Variants in IL1R2 observed in about 807,000 individuals in gnomAD.
IL1R2 encodes the protein interleukin-1 receptor type 2.
In IL1R2, 46 loss-of-function variants were observed where a neutral mutation model predicts 39.5. The observed-to-expected ratio is 1.16, with a 90% CI of 0.92 to 1.49. The LOEUF is 1.49. Ranked by LOEUF, IL1R2 falls within the 40% of genes most tolerant of loss-of-function variation. The probability of loss-of-function intolerance (pLI) is 0.00; values close to 1 mark genes in which losing one functional copy is unlikely to be tolerated. For synonymous variants in IL1R2, 207 were observed against 189.6 expected, an observed-to-expected ratio of 1.09 and a Z score of -0.75; for missense variants, 537 against 502.0, an observed-to-expected ratio of 1.07 and a Z score of -0.67.
intron 1 of IL1R2, among the ~76,000 whole-genome samples, chr2:101,995,724 C>T (rs1438048843): frequency 6.6e-6 from 1 of 152,234 alleles, no homozygotes; most frequent in Non-Finnish European, 1.5e-5. Context: ...ATTTCTTGCT[C>T]ATGCTACAGC....
chr2:102,019,701 C>G lies in IL1R2; in HGVS notation c.577C>G (p.Leu193Val), dbSNP rs1395106195. Residue 193 changes from leucine (L) to valine (V), a missense_variant, in exon 5 of 9, where the codon CTC (leucine) becomes GTC (valine). Transcript: ENST00000332549. ...AAGTGTGAGGGGGACCACTCACTTA[C>G]TCGTACACGATGTGGCCCTGGAAGA... ...FLSVRGTTHL[L>V]VHDVALEDAG... 1.9e-6 allele frequency: 3 copies of G among 1,613,644 alleles called. No homozygotes were observed. Among genetic ancestry groups the G allele is most frequent in the Non-Finnish European group, 2.5e-6 (3 of 1,179,680 alleles).
intron 7 of IL1R2, among the ~76,000 whole-genome samples, chr2:102,025,119 TA>T (rs1269675563): frequency 1.3e-5 from 2 of 151,926 alleles, no homozygotes; most frequent in African/African-American, 2.4e-5. Context: ...GGTTAATAAT[TA>T]AAAAAAAGAA....
At chr2:102,013,006 C>T (rs1166614664) in intron 3 of IL1R2, among the ~76,000 whole-genome samples, 3 of 152,210 alleles carry the variant, frequency 2.0e-5, no homozygotes, top group Admixed American at 2.0e-4. Context: ...AAGGAACTAG[C>T]GTGGGGTCTG....
intron 1 of IL1R2, among the ~76,000 whole-genome samples, chr2:101,996,966 T>A (rs1559409405): frequency 6.6e-6 from 1 of 152,092 alleles, no homozygotes; most frequent in Non-Finnish European, 1.5e-5. Context: ...CAAATCTACC[T>A]CTCTTGCTTT....
At chr2:102,024,146 C>T (rs1013144590) in intron 6 of IL1R2, among the ~76,000 whole-genome samples, 9 of 152,002 alleles carry the variant, frequency 5.9e-5, no homozygotes, top group African/African-American at 1.9e-4. Flanking sequence ...CCAGGAGAAA[C>T]ATTAGAGCCA....
intron 1 of IL1R2, among the ~76,000 whole-genome samples, chr2:102,004,448 C>T (rs1257430255): frequency 1.3e-5 from 2 of 150,184 alleles, no homozygotes; most frequent in Admixed American, 1.3e-4. Context: ...TCATCATATG[C>T]CTCTGTTTTC....
intron 1 of IL1R2, 107 bp from the exon 2 acceptor site, chr2:102,008,408 G>A (rs114940106): frequency 1.6e-6 from 1 of 629,076 alleles, no homozygotes; most frequent in Admixed American, 2.9e-5. Context: ...AGGCCAAAAG[G>A]TTCCCATTAT....
At chr2:102,013,550 AAAGGAAAG>A (rs1559421365) in intron 3 of IL1R2, among the ~76,000 whole-genome samples, 21 of 133,174 alleles carry the variant, frequency 1.6e-4, no homozygotes, top group South Asian at 2.3e-4. Flanking sequence ...AAAAAAAAAA[AAAGGAAAG>A]AAAGAAAAGA....
intron 5 of IL1R2, among the ~76,000 whole-genome samples, chr2:102,020,297 A>G (rs2072477): frequency 0.17 from 25,408 of 152,192 alleles, 2,510 homozygotes; most frequent in East Asian, 0.28. Flanking sequence ...CCTTAATAGC[A>G]ATATTTCAAA....
intron 5 of IL1R2, among the ~76,000 whole-genome samples, chr2:102,021,673 G>A (rs1677412752): frequency 6.6e-6 from 1 of 152,238 alleles, no homozygotes; most frequent in African/African-American, 2.4e-5. Context: ...TCTCCAGAGA[G>A]TTTATCTCTT....
chr2:102,017,326 G>A (rs1283396107), intron 4 of IL1R2, among the ~76,000 whole-genome samples: 1 of 151,600 alleles, frequency 6.6e-6, no homozygotes, highest in Non-Finnish European at 1.5e-5. Flanking sequence ...GAGCCCTGGA[G>A]GTGGAGGTTG....
intron 3 of IL1R2, among the ~76,000 whole-genome samples, chr2:102,015,353 A>T (rs1307330692): frequency 1.3e-5 from 2 of 152,196 alleles, no homozygotes; most frequent in African/African-American, 4.8e-5. Flanking sequence ...TTTTCTGTAC[A>T]ATTATGTTAC....
chr2:102,023,646 C>T (rs1261462762), intron 6 of IL1R2: 1 of 152,174 alleles, frequency 6.6e-6, no homozygotes, highest in African/African-American at 2.4e-5. Flanking sequence ...TTCTTCTTTT[C>T]CTTCTACTCT....
rs1559433048 is a variant in IL1R2, at chr2:102,028,208, ACT to A, written c.1031-15_1031-14del. 1 of 1,594,834 alleles carries A rather than the reference ACT, an allele frequency of 6.3e-7. No individual in the cohort carries two copies. Among genetic ancestry groups the A allele is most frequent in the Admixed American group, 1.7e-5 (1 of 57,994 alleles). Reference sequence around the variant, plus strand: ...GAGAGACTGTTCAGCTCCTGATGTGACTCTGTTCTTCCCACAGCCTCCTCCAC... The same window carrying A: ...GAGAGACTGTTCAGCTCCTGATGTGACTGTTCTTCCCACAGCCTCCTCCAC... On this transcript the variant is annotated splice_polypyrimidine_tract_variant and intron_variant, in intron 8 of 8. Transcript: ENST00000332549.
At chr2:102,016,080 A>G (rs1676983387) in intron 4 of IL1R2, 29 bp downstream of exon 4, 3 of 1,566,744 alleles carry the variant, frequency 1.9e-6, no homozygotes, top group Non-Finnish European at 2.6e-6. Flanking sequence ...CCATTTTACT[A>G]AAATGTGTTT....
In IL1R2 at chr2:101,994,213, C is replaced by T. The variant is rs192037503; in HGVS notation, c.-62+2202C>T. On this transcript the variant is annotated intron_variant, in intron 1 of 8. Transcript: ENST00000332549. ...TCAGTTGGCCTGGGAGCCTCCTACC[C>T]GGCCCTGCTAGTAGGGGTTCCCTTC... Among the ~76,000 whole-genome samples the T allele has an allele frequency of 2.6e-4, 40 of 152,260 alleles. 1 individual carries two copies. The East Asian group carries it at 6.2e-3, about 24-fold the overall frequency.
Position 102,028,203 on chromosome 2 carries a change from ATGTGACTC to A in IL1R2, c.1031-19_1031-12del. 6.3e-7 allele frequency: 1 copy of A among 1,589,204 alleles called. No homozygotes were observed. On this transcript the variant is annotated splice_polypyrimidine_tract_variant and intron_variant, in intron 8 of 8. Transcript: ENST00000332549. ...ACAGTGAGAGACTGTTCAGCTCCTG[ATGTGACTC>A]TGTTCTTCCCACAGCCTCCTCCACG...
intron 4 of IL1R2, among the ~76,000 whole-genome samples, chr2:102,018,672 C>T (rs1677161221): frequency 6.6e-6 from 1 of 152,106 alleles, no homozygotes; most frequent in Non-Finnish European, 1.5e-5. Flanking sequence ...GTAAATATCC[C>T]CCCTTTTTAC....
intron 4 of IL1R2, among the ~76,000 whole-genome samples, chr2:102,017,541 A>G (rs1487702553): frequency 6.6e-6 from 1 of 152,088 alleles, no homozygotes; most frequent in East Asian, 1.9e-4. Flanking sequence ...TTGTCATTAG[A>G]TATTGCTTAT....
Sources: gnomAD v4.1 joint callset for allele counts (sites outside exome capture counted in the v4.1 genomes callset) on GRCh38, gnomAD v4.1.1 for gene constraint, MANE v1.5 for transcripts, NCBI Gene and HGNC (gene_info 2026-07-23, HGNC 2026-07-21) for gene names.